The following MCM4 variants were observed in gnomAD, a reference collection of about 807,000 sequenced individuals.
MCM4 encodes minichromosome maintenance complex component 4.
MCM4 carries 60 observed loss-of-function variants against 88.7 expected under a neutral mutation model. The ratio of observed to expected loss-of-function variants is 0.68; its 90% CI spans 0.55 to 0.84. MCM4 has a LOEUF of 0.84. Among genes scored for constraint, MCM4 ranks in the 40% least tolerant of loss-of-function variants. The pLI, the probability that MCM4 is intolerant of heterozygous loss-of-function variation, is 0.00. For synonymous variants in MCM4, 465 were observed against 410.5 expected, an observed-to-expected ratio of 1.13 and a Z score of -1.61; for missense variants, 1,149 against 1,105.5, an observed-to-expected ratio of 1.04 and a Z score of -0.56.
chr8:47,975,175 T>A, intron 15 of MCM4: 2 of 482,844 alleles, frequency 4.1e-6, no homozygotes, highest in Non-Finnish European at 7.3e-6. Flanking sequence ...GTGTATAGTT[T>A]TTTTTTGTTT....
chr8:47,965,285 G>C (rs777750978), intron 8 of MCM4, among the ~76,000 whole-genome samples: 26 of 151,952 alleles, frequency 1.7e-4, no homozygotes, highest in Admixed American at 4.6e-4. Context: ...ACCAGCTTGA[G>C]TGACATAAGA....
At chr8:47,968,918 G>C (rs976207238) in intron 10 of MCM4, 6 of 152,252 alleles carry the variant, frequency 3.9e-5, no homozygotes, top group Middle Eastern at 3.4e-3. Context: ...CTTTTGTCGG[G>C]GGTGGTGGGT....
At chr8:47,967,819 T>A (rs2090913702) in intron 10 of MCM4, among the ~76,000 whole-genome samples, 1 of 152,178 alleles carries the variant, frequency 6.6e-6, no homozygotes, top group African/African-American at 2.4e-5. Flanking sequence ...TCAGACAGGC[T>A]TGTATGGGTA....
chr8:47,961,464 A>G (rs756294790), intron 2 of MCM4, 52 bp from the exon 3 acceptor site: 1 of 1,612,308 alleles, frequency 6.2e-7, no homozygotes, highest in Non-Finnish European at 8.5e-7. Flanking sequence ...CAAATCCAGG[A>G]AGGCCGGCCC....
At chr8:47,961,766 G>A (rs1400091823) in intron 3 of MCM4, 86 bp downstream of exon 3, 2 of 1,475,344 alleles carry the variant, frequency 1.4e-6, no homozygotes, top group East Asian at 4.5e-5. Flanking sequence ...TATAACAGTT[G>A]GCATAACGCC....
intron 8 of MCM4, among the ~76,000 whole-genome samples, chr8:47,965,568 G>C (rs1294093535): frequency 6.6e-6 from 1 of 152,210 alleles, no homozygotes; most frequent in African/African-American, 2.4e-5. Flanking sequence ...AGGGTAGCTT[G>C]TCTGAAACCA....
rs540475285 is a variant in MCM4, at chr8:47,969,683, G to A, written c.1175-115G>A. 2.9e-4 allele frequency: 299 copies of A among 1,043,826 alleles called. 2 individuals are homozygous for A. The East Asian group carries it at 7.3e-3, about 25-fold the overall frequency. 64.7% of individuals were successfully genotyped at this position (1,043,826 alleles called of 1,614,324 possible). A position where few individuals can be genotyped will look rare whatever the true frequency, so the allele number is the denominator to read the frequency against. ...AGACGGTGGAGCTCACCCTTTCCAG[G>A]GCCAGCCCGACGTGGTGCCTCGCTC... On this transcript the variant is annotated intron_variant, in intron 10 of 16. Coordinates refer to ENST00000649973, the MANE Select transcript of MCM4 (RefSeq NM_182746.3).
chr8:47,962,820 A>G lies in MCM4; in HGVS notation c.558A>G (p.Ile186Met). The G allele has an allele frequency of 6.2e-7, 1 of 1,609,482 alleles. No individual in the cohort carries two copies. The highest frequency in any genetic ancestry group is 1.1e-5 in the South Asian group (1 of 89,390). ...CTAAAGAAGAAGAAAATGTTGGCAT[A>G]GATATTACTGAACCTCTATACATGC... ...PLAKEEENVG[I>M]DITEPLYMQR... Residue 186 changes from isoleucine (I) to methionine (M), a missense_variant, in exon 6 of 17, where the codon ATA becomes ATG. By Grantham distance (10) the Ile-to-Met change is conservative. This residue lies in a region of MCM4 where 906 missense variants were observed against 843.0 expected (regional missense o/e 1.07). Transcript: ENST00000649973.
rs1258650632 is a variant in MCM4 at position 47,961,617 on chromosome 8, G to C, written c.172G>C (p.Asp58His). Residue 58 changes from aspartate to histidine, a missense_variant, in exon 3 of 17, where the codon GAC becomes CAC. Around this residue, in one of 3 missense-constraint regions of MCM4, gnomAD observed 906 missense variants for 843.0 expected, o/e 1.07. Transcript: ENST00000649973. ...GCCGATGCCAACCTCGCCTGGAGTGGACCTGCAGAGCCCTGCTGCGCAGGA... is the reference window on the plus strand; with the variant it reads ...GCCGATGCCAACCTCGCCTGGAGTGCACCTGCAGAGCCCTGCTGCGCAGGA... ...LQPMPTSPGV[D>H]LQSPAAQDVL... 33 of 1,614,038 alleles carry C rather than the reference G, an allele frequency of 2.0e-5. No homozygotes were observed. Among genetic ancestry groups the C allele is most frequent in the Non-Finnish European group, 2.6e-5 (31 of 1,180,038 alleles).
intron 13 of MCM4, 97 bp downstream of exon 13, chr8:47,971,565 T>G: frequency 7.2e-6 from 9 of 1,256,266 alleles, no homozygotes; most frequent in South Asian, 1.3e-5. Context: ...ATGGAAACTC[T>G]TCACTCTTAT....
chr8:47,962,257 C>T, intron 4 of MCM4, 41 bp downstream of exon 4: 2 of 1,613,790 alleles, frequency 1.2e-6, no homozygotes, highest in South Asian at 2.2e-5. Flanking sequence ...TGGCGGGTAT[C>T]ATGTGGGTAA....
At chr8:47,961,890 C>CT (rs1287847115) in intron 3 of MCM4, 163 bp from the exon 4 acceptor site, 53 of 901,724 alleles carry the variant, frequency 5.9e-5, no homozygotes, top group Middle Eastern at 3.4e-4. Context: ...TTCTCTGGTG[C>CT]TTTTTTTTAA....
At chr8:47,967,306 G>C in intron 9 of MCM4, 59 bp from the exon 10 acceptor site, 1 of 1,604,928 alleles carries the variant, frequency 6.2e-7, no homozygotes, top group Non-Finnish European at 8.5e-7. Flanking sequence ...AAGACATGCA[G>C]ATTTTGTCCC....
At chr8:47,967,584 C>T in intron 10 of MCM4, 99 bp downstream of exon 10, 2 of 1,477,556 alleles carry the variant, frequency 1.4e-6, no homozygotes, top group Non-Finnish European at 9.3e-7. Flanking sequence ...TCCAGTTCTA[C>T]CTCCAGTTGT....
chr8:47,965,261 G>A (rs1563832049), intron 8 of MCM4, among the ~76,000 whole-genome samples: 1 of 151,880 alleles, frequency 6.6e-6, no homozygotes, highest in East Asian at 1.9e-4. Flanking sequence ...ATCACTTGAG[G>A]CCAGGAGTTT....
At chr8:47,973,174 T>A in intron 14 of MCM4, 110 bp downstream of exon 14, 2 of 1,032,332 alleles carry the variant, frequency 1.9e-6, no homozygotes, top group Non-Finnish European at 2.8e-6. Flanking sequence ...AACATACTGT[T>A]CTCTTCCTTG....
At chr8:47,974,031 A>G (rs2090979022) in intron 14 of MCM4, 1 of 152,186 alleles carries the variant, frequency 6.6e-6, no homozygotes, top group African/African-American at 2.4e-5. Flanking sequence ...TGCTTGTAAA[A>G]AACAGAATGA....
chr8:47,961,966 T>TG, intron 3 of MCM4, 87 bp from the exon 4 acceptor site: 1 of 1,239,564 alleles, frequency 8.1e-7, no homozygotes, highest in Non-Finnish European at 1.2e-6. Flanking sequence ...AGTTTGCTGT[T>TG]GCGATTAGAT....
rs989076259 is a variant in MCM4 at position 47,974,950 on chromosome 8, A to G, written c.2353A>G (p.Ile785Val). The G allele has an allele frequency of 6.2e-7, 1 of 1,612,206 alleles. No homozygotes were observed. The highest frequency in any genetic ancestry group is 8.5e-7 in the Non-Finnish European group (1 of 1,178,776). ...DPRTGIVDIS[I>V]LTTGMSATSR... ...CCGGACTGGCATCGTGGACATATCT[A>G]TTCTTACTACGGGTTCGTTATTTTC... Residue 785 changes from isoleucine (I) to valine (V), a missense_variant, in exon 15 of 17, where the codon ATT becomes GTT. This residue lies in a region of MCM4 where 238 missense variants were observed against 241.6 expected (regional missense o/e 0.99). Transcript: ENST00000649973.
Sources: gnomAD v4.1 joint callset for allele counts (sites outside exome capture counted in the v4.1 genomes callset) on GRCh38, gnomAD v4.1.1 for gene constraint, gnomAD v4.1.1 regional missense constraint, MANE v1.5 for transcripts, NCBI Gene and HGNC (gene_info 2026-07-23, HGNC 2026-07-21) for gene names.